The following DHRSX variants were observed in gnomAD, a reference collection of about 807,000 sequenced individuals.
The protein encoded by DHRSX is polyprenol dehydrogenase.
Under a neutral mutation model 34.0 loss-of-function variants are expected in DHRSX, and 31 were observed. The ratio of observed to expected loss-of-function variants is 0.91; its 90% CI spans 0.69 to 1.23. DHRSX has a LOEUF of 1.23. Ranked by LOEUF, DHRSX falls within the 50% of genes most tolerant of loss-of-function variation. The pLI, the probability that DHRSX is intolerant of heterozygous loss-of-function variation, is 0.00. For synonymous variants in DHRSX, 201 were observed against 183.8 expected, an observed-to-expected ratio of 1.09 and a Z score of -0.76; for missense variants, 414 against 428.1, an observed-to-expected ratio of 0.97 and a Z score of 0.29.
rs184903352 is a variant in DHRSX at position 2,245,034 on chromosome X, T to C, written c.597-1804A>G. Among the ~76,000 whole-genome samples the C allele has an allele frequency of 4.0e-3, 613 of 152,108 alleles. 9 individuals carry two copies. Among genetic ancestry groups the C allele is most frequent in the African/African-American group, 0.014 (570 of 41,528 alleles). The stretch of plus-strand genomic sequence containing the variant: ...CTAATTTTCTGAATTAACCACATGG[T>C]ATATGTATCCTGATGGAAGCTGTGA... On this transcript the variant is annotated intron_variant, in intron 5 of 6. Coordinates refer to ENST00000334651, the MANE Select transcript of DHRSX (RefSeq NM_145177.3).
At chrX:2,262,017 T>C (rs1266486145) in intron 5 of DHRSX, among the ~76,000 whole-genome samples, 1 of 152,142 alleles carries the variant, frequency 6.6e-6, no homozygotes, top group East Asian at 1.9e-4. Flanking sequence ...CCAAGACTCC[T>C]CGTTCCCTCC....
intron 4 of DHRSX, among the ~76,000 whole-genome samples, chrX:2,268,484 A>G (rs1391654164): frequency 6.6e-6 from 1 of 152,226 alleles, no homozygotes; most frequent in Non-Finnish European, 1.5e-5. Flanking sequence ...ATAGCTATAC[A>G]CTTGGGTATA....
intron 4 of DHRSX, among the ~76,000 whole-genome samples, chrX:2,283,311 G>C (rs762892561): frequency 6.6e-6 from 1 of 152,120 alleles, no homozygotes; most frequent in Admixed American, 6.5e-5. Context: ...GTTCAGAGAA[G>C]GCGCCATCGG....
At chrX:2,383,182 C>T (rs2043233471) in intron 3 of DHRSX, among the ~76,000 whole-genome samples, 2 of 151,406 alleles carry the variant, frequency 1.3e-5, no homozygotes, top group East Asian at 2.0e-4. Flanking sequence ...CATCACATGA[C>T]CATGACCATC....
At chrX:2,333,705 G>A (rs188869798) in intron 3 of DHRSX, among the ~76,000 whole-genome samples, 300 of 152,080 alleles carry the variant, frequency 2.0e-3, no homozygotes, top group African/African-American at 6.3e-3. Flanking sequence ...GAGCCACTGC[G>A]CCCGGCCAAT....
chrX:2,428,918 A>G (rs2043882865), intron 1 of DHRSX, among the ~76,000 whole-genome samples: 1 of 152,112 alleles, frequency 6.6e-6, no homozygotes, highest in Non-Finnish European at 1.5e-5. Flanking sequence ...GGGCCTGTGG[A>G]GGAGGCTTCA....
Position 2,467,742 on chromosome X carries a change from A to G in DHRSX, c.109+33075T>C, listed in dbSNP as rs192390610. On this transcript the variant is annotated intron_variant, in intron 1 of 6. Coordinates refer to ENST00000334651, the MANE Select transcript of DHRSX (RefSeq NM_145177.3). ...GTAATCCCAGCACTTTGGGAGGCCAAGGTGGATGGATCACCTGAGGTCAGG... is the reference window on the plus strand; with the variant it reads ...GTAATCCCAGCACTTTGGGAGGCCAGGGTGGATGGATCACCTGAGGTCAGG... 2.4e-3 allele frequency among the ~76,000 whole-genome samples: 371 copies of G among 152,268 alleles called. 4 individuals carry two copies. The highest frequency in any genetic ancestry group is 7.5e-3 in the African/African-American group (311 of 41,542).
intron 1 of DHRSX, among the ~76,000 whole-genome samples, chrX:2,450,896 G>A (rs1050004453): frequency 1.3e-5 from 2 of 151,954 alleles, no homozygotes; most frequent in Non-Finnish European, 2.9e-5. Context: ...AGATCATGGG[G>A]ATCGAGCCTC....
intron 2 of DHRSX, among the ~76,000 whole-genome samples, chrX:2,421,700 A>G (rs890964741): frequency 2.4e-4 from 37 of 152,334 alleles, no homozygotes; most frequent in African/African-American, 8.4e-4. Flanking sequence ...TTGCCCCAGC[A>G]GAAACTGCCA....
At chrX:2,347,323 G>C (rs983177243) in intron 3 of DHRSX, among the ~76,000 whole-genome samples, 1 of 152,150 alleles carries the variant, frequency 6.6e-6, no homozygotes, top group Non-Finnish European at 1.5e-5. Context: ...ACTATCATGA[G>C]AACAGCAGGG....
chrX:2,236,907 G>C (rs754967918), intron 6 of DHRSX, among the ~76,000 whole-genome samples: 2 of 152,024 alleles, frequency 1.3e-5, no homozygotes, highest in African/African-American at 2.4e-5. Flanking sequence ...GAAATGGGGG[G>C]GCTGGGTAGG....
intron 3 of DHRSX, among the ~76,000 whole-genome samples, chrX:2,296,287 CT>C (rs1318358021): frequency 6.6e-6 from 1 of 152,142 alleles, no homozygotes; most frequent in East Asian, 1.9e-4. Context: ...TGTATGGGAG[CT>C]TGGGCCACGT....
intron 1 of DHRSX, among the ~76,000 whole-genome samples, chrX:2,472,070 G>A (rs765141547): frequency 1.3e-5 from 2 of 150,426 alleles, no homozygotes; most frequent in Admixed American, 6.6e-5. Context: ...GCTTGAACCC[G>A]GGAGCTGGTG....
At chrX:2,436,672 T>C (rs2043995780) in intron 1 of DHRSX, among the ~76,000 whole-genome samples, 1 of 151,290 alleles carries the variant, frequency 6.6e-6, no homozygotes, top group African/African-American at 2.4e-5. Context: ...TTTTTTTTAA[T>C]CTTTTGTAGA....
At chrX:2,314,163 C>G (rs1431541583) in intron 3 of DHRSX, among the ~76,000 whole-genome samples, 22 of 110,006 alleles carry the variant, frequency 2.0e-4, no homozygotes, top group Non-Finnish European at 1.8e-4. Context: ...AACAAAGGAA[C>G]AAAGGGAGGG....
intron 6 of DHRSX, among the ~76,000 whole-genome samples, chrX:2,231,195 T>C (rs964509950): frequency 2.6e-5 from 4 of 152,108 alleles, no homozygotes; most frequent in African/African-American, 7.2e-5. Context: ...GATGTCTTTG[T>C]TCCTGGGGAG....
At chrX:2,353,653 G>A (rs1392230577) in intron 3 of DHRSX, among the ~76,000 whole-genome samples, 8 of 148,240 alleles carry the variant, frequency 5.4e-5, no homozygotes, top group Non-Finnish European at 8.9e-5. Context: ...GCGCGATCTC[G>A]GCTCACCTCA....
intron 1 of DHRSX, chrX:2,487,376 T>A (rs926773551): frequency 1.3e-5 from 2 of 152,060 alleles, no homozygotes. Flanking sequence ...CACTTTTGTT[T>A]TGTTTTGAGA....
At chrX:2,356,066 C>CAAAAAAAAAA (rs33996876) in intron 3 of DHRSX, among the ~76,000 whole-genome samples, 1 of 112,050 alleles carries the variant, frequency 8.9e-6, no homozygotes. Context: ...GACTCCGTCT[C>CAAAAAAAAAA]AAAAAAAAAA....
Sources: allele counts gnomAD v4.1 joint callset (sites outside exome capture counted in the v4.1 genomes callset), GRCh38; gene constraint gnomAD v4.1.1; transcripts MANE v1.5; gene names NCBI Gene and HGNC (gene_info 2026-07-23, HGNC 2026-07-21).